The following MACROD2 variants were observed in gnomAD, a reference collection of about 807,000 sequenced individuals.
MACROD2 encodes ADP-ribose glycohydrolase MACROD2.
A neutral mutation model predicts 70.4 loss-of-function variants in MACROD2; 36 were observed. The observed-to-expected ratio is 0.51, with a 90% confidence interval of 0.39 to 0.68. The LOEUF (loss-of-function observed/expected upper bound fraction) is 0.68, where lower values mean the gene tolerates loss of function less well. Among genes scored for constraint, MACROD2 ranks in the 30% least tolerant of loss-of-function variants. MACROD2 has a pLI of 0.00. For synonymous variants in MACROD2, 172 were observed against 178.8 expected, an observed-to-expected ratio of 0.96 and a Z score of 0.30; for missense variants, 496 against 538.4, an observed-to-expected ratio of 0.92 and a Z score of 0.78.
At chr20:15,720,546 T>C (rs2050773478) in intron 8 of MACROD2, among the ~76,000 whole-genome samples, 1 of 152,232 alleles carries the variant, frequency 6.6e-6, no homozygotes, top group Admixed American at 6.5e-5. Flanking sequence ...CATTGGCTGA[T>C]TAAAAATCAA....
At position 15,655,974 on chromosome 20, in the gene MACROD2, C is replaced by T. The variant is rs60288150; in HGVS notation, c.645+156127C>T. Among the ~76,000 whole-genome samples, 976 of 152,208 alleles carry T rather than the reference C, an allele frequency of 6.4e-3. 7 individuals are homozygous for T. The highest frequency in any genetic ancestry group is 0.022 in the African/African-American group (921 of 41,518). On this transcript the variant is annotated intron_variant, in intron 8 of 17. Coordinates refer to ENST00000684519, the MANE Select transcript of MACROD2 (RefSeq NM_001351661.2). Reference sequence around the variant, plus strand: ...CCATCATTTAGTGAAATGTTATCCTCGTAATGGTAACCTGGATTGTTACCA... The same window carrying T: ...CCATCATTTAGTGAAATGTTATCCTTGTAATGGTAACCTGGATTGTTACCA...
chr20:15,296,773 T>C (rs2077593470), intron 6 of MACROD2, among the ~76,000 whole-genome samples: 1 of 150,984 alleles, frequency 6.6e-6, no homozygotes, highest in African/African-American at 2.5e-5. Flanking sequence ...TATGGTGTTA[T>C]CAGAAAATGC....
chr20:15,431,336 T>G, intron 6 of MACROD2, 69 bp from the exon 7 acceptor site: 1 of 1,404,140 alleles, frequency 7.1e-7, no homozygotes, highest in Non-Finnish European at 1.0e-6. Flanking sequence ...AAAATAGATG[T>G]TGAGAAAGAT....
chr20:14,284,408 A>G (rs2082328698), intron 3 of MACROD2, among the ~76,000 whole-genome samples: 1 of 152,194 alleles, frequency 6.6e-6, no homozygotes, highest in Non-Finnish European at 1.5e-5. Flanking sequence ...CACCATTGCC[A>G]TTTGAAACAG....
At chr20:15,334,332 C>A (rs1210736057) in intron 6 of MACROD2, among the ~76,000 whole-genome samples, 2 of 151,466 alleles carry the variant, frequency 1.3e-5, no homozygotes, top group African/African-American at 2.4e-5. Flanking sequence ...AGCATTTTGA[C>A]TCACCAACAT....
At chr20:14,910,536 G>A (rs1175704186) in intron 5 of MACROD2, among the ~76,000 whole-genome samples, 4 of 152,216 alleles carry the variant, frequency 2.6e-5, no homozygotes, top group African/African-American at 9.6e-5. Flanking sequence ...TTTGTTGAGA[G>A]CCCGAGAAGG....
At chr20:14,214,481 T>A (rs1441987923) in intron 3 of MACROD2, among the ~76,000 whole-genome samples, 2 of 152,144 alleles carry the variant, frequency 1.3e-5, no homozygotes, top group Non-Finnish European at 2.9e-5. Flanking sequence ...ATCTTTTCTC[T>A]GCCTAAACTC....
At chr20:15,590,164 T>C (rs1284937553) in intron 8 of MACROD2, among the ~76,000 whole-genome samples, 2 of 152,204 alleles carry the variant, frequency 1.3e-5, no homozygotes, top group Non-Finnish European at 2.9e-5. Context: ...GTGTTATTAA[T>C]ATTGTTACTT....
chr20:14,364,067 G>A (rs1302002040), intron 3 of MACROD2, among the ~76,000 whole-genome samples: 1 of 152,000 alleles, frequency 6.6e-6, no homozygotes, highest in Non-Finnish European at 1.5e-5. Context: ...AAGCTTCCCA[G>A]GTGATTAAAA....
intron 8 of MACROD2, among the ~76,000 whole-genome samples, chr20:15,599,316 C>G (rs924073839): frequency 6.6e-6 from 1 of 152,028 alleles, no homozygotes; most frequent in African/African-American, 2.4e-5. Flanking sequence ...CGCTTGAACC[C>G]GGGAGGCAGA....
At chr20:14,671,050 C>G (rs2070789198) in intron 4 of MACROD2, among the ~76,000 whole-genome samples, 1 of 152,152 alleles carries the variant, frequency 6.6e-6, no homozygotes, top group Admixed American at 6.6e-5. Context: ...TCTTTTTCAT[C>G]TTTGAAAGAG....
intron 5 of MACROD2, among the ~76,000 whole-genome samples, chr20:14,877,987 T>C (rs2073568806): frequency 6.6e-6 from 1 of 152,082 alleles, no homozygotes; most frequent in Admixed American, 6.6e-5. Context: ...GCTGGCTCCA[T>C]AGAAGGAGTT....
In MACROD2 at chr20:15,060,416, G is replaced by A. The variant is rs574687165; in HGVS notation, c.419-169524G>A. On this transcript the variant is annotated intron_variant, in intron 5 of 17. Transcript: ENST00000684519. ...CCTGCTTTCCCCGTTTACCAAGCAC[G>A]GCCCAAGACCCAGCACCACAGGCTT... Among the ~76,000 whole-genome samples the A allele has an allele frequency of 3.9e-5, 6 of 152,182 alleles. No homozygotes were observed. In the East Asian group the frequency reaches 7.7e-4, roughly 20 times the overall value.
chr20:14,857,360 A>G (rs577126486), intron 5 of MACROD2, among the ~76,000 whole-genome samples: 131 of 152,330 alleles, frequency 8.6e-4, no homozygotes, highest in Non-Finnish European at 1.4e-3. Context: ...GACCTGAACA[A>G]GGTGAAGACA....
At chr20:15,079,888 T>C (rs978680635) in intron 5 of MACROD2, among the ~76,000 whole-genome samples, 2 of 152,002 alleles carry the variant, frequency 1.3e-5, no homozygotes, top group African/African-American at 4.8e-5. Flanking sequence ...TTAACATCAT[T>C]AGCATCAACT....
At chr20:14,466,535 G>GT (rs943510689) in intron 3 of MACROD2, among the ~76,000 whole-genome samples, 3 of 152,040 alleles carry the variant, frequency 2.0e-5, no homozygotes, top group African/African-American at 7.3e-5. Flanking sequence ...CTCTCAACTT[G>GT]TCAAAGTCAT....
chr20:14,854,483 G>A (rs2073232195), intron 5 of MACROD2, among the ~76,000 whole-genome samples: 1 of 152,090 alleles, frequency 6.6e-6, no homozygotes, highest in Admixed American at 6.6e-5. Context: ...AGCATGGTTT[G>A]GTGAGCTGTC....
chr20:15,526,019 A>AT (rs1217324163), intron 8 of MACROD2, among the ~76,000 whole-genome samples: 1 of 152,256 alleles, frequency 6.6e-6, no homozygotes, highest in Non-Finnish European at 1.5e-5. Context: ...ATCTAATAAA[A>AT]TAAAAAGATG....
chr20:15,151,203 G>T (rs2076267140), intron 5 of MACROD2, among the ~76,000 whole-genome samples: 1 of 152,078 alleles, frequency 6.6e-6, no homozygotes, highest in South Asian at 2.1e-4. Context: ...CCAATTTTCA[G>T]TGGGGTCCCA....
Sources: gnomAD v4.1 joint callset for allele counts (sites outside exome capture counted in the v4.1 genomes callset) on GRCh38, gnomAD v4.1.1 for gene constraint, MANE v1.5 for transcripts, NCBI Gene and HGNC (gene_info 2026-07-23, HGNC 2026-07-21) for gene names.